Variants in NR3C2 observed in about 807,000 individuals in gnomAD.
NR3C2 encodes the protein mineralocorticoid receptor.
A neutral mutation model predicts 86.4 loss-of-function variants in NR3C2; 15 were observed. That is an observed-to-expected ratio of 0.17 (90% CI 0.12 to 0.27). The LOEUF (loss-of-function observed/expected upper bound fraction) is 0.27, where lower values mean the gene tolerates loss of function less well. NR3C2 is among the 10% of genes least tolerant of loss of function. The pLI, the probability that NR3C2 is intolerant of heterozygous loss-of-function variation, is 1.00. For synonymous variants in NR3C2, 458 were observed against 450.5 expected, an observed-to-expected ratio of 1.02 and a Z score of -0.21; for missense variants, 960 against 1,195.6, an observed-to-expected ratio of 0.80 and a Z score of 2.91.
intron 2 of NR3C2, among the ~76,000 whole-genome samples, chr4:148,277,263 A>G (rs17484357): frequency 0.13 from 20,441 of 152,276 alleles, 1,642 homozygotes; most frequent in Middle Eastern, 0.33. Context: ...CAATATTAAG[A>G]TAACGAATAC....
intron 1 of NR3C2, 102 bp from the exon 2 acceptor site, chr4:148,436,964 CTTA>C (rs1304554568): frequency 2.2e-6 from 2 of 927,086 alleles, no homozygotes; most frequent in Non-Finnish European, 3.3e-6. Context: ...ACATATTCTA[CTTA>C]TTATGAGCAA....
At chr4:148,112,982 A>G (rs1732110894) in intron 8 of NR3C2, among the ~76,000 whole-genome samples, 1 of 152,268 alleles carries the variant, frequency 6.6e-6, no homozygotes, top group Non-Finnish European at 1.5e-5. Flanking sequence ...GAAAGTATGG[A>G]AACTTCACAA....
intron 2 of NR3C2, among the ~76,000 whole-genome samples, chr4:148,380,830 AAC>A (rs1325703393): frequency 6.6e-6 from 1 of 152,224 alleles, no homozygotes; most frequent in Non-Finnish European, 1.5e-5. Context: ...AGACCTCATT[AAC>A]AGACTTATAC....
intron 3 of NR3C2, among the ~76,000 whole-genome samples, chr4:148,196,908 C>T (rs1474947444): frequency 6.6e-6 from 1 of 152,134 alleles, no homozygotes; most frequent in Non-Finnish European, 1.5e-5. Context: ...TGTTGTACAG[C>T]AGCTTAGAGA....
chr4:148,173,477 G>A (rs1240587171), intron 4 of NR3C2, among the ~76,000 whole-genome samples: 1 of 152,152 alleles, frequency 6.6e-6, no homozygotes, highest in Admixed American at 6.5e-5. Flanking sequence ...GATAGAAGGG[G>A]CCACGAGCCA....
At chr4:148,241,044 G>A (rs151076919) in intron 3 of NR3C2, among the ~76,000 whole-genome samples, 1,609 of 152,002 alleles carry the variant, frequency 0.011, 21 homozygotes, top group African/African-American at 0.037. Flanking sequence ...GGTGGCTCAC[G>A]CCTGTAATCC....
At chr4:148,183,391 C>T (rs985176493) in intron 4 of NR3C2, among the ~76,000 whole-genome samples, 32 of 152,164 alleles carry the variant, frequency 2.1e-4, no homozygotes, top group African/African-American at 6.0e-4. Flanking sequence ...CTTGAGGAAT[C>T]GCCACACTGT....
At chr4:148,258,696 A>G (rs1214009214) in intron 3 of NR3C2, among the ~76,000 whole-genome samples, 2 of 152,248 alleles carry the variant, frequency 1.3e-5, no homozygotes, top group Admixed American at 6.5e-5. Flanking sequence ...GAGAACGTGC[A>G]TGAGAACAGA....
intron 2 of NR3C2, among the ~76,000 whole-genome samples, chr4:148,404,907 G>A (rs1748337743): frequency 6.6e-6 from 1 of 152,094 alleles, no homozygotes; most frequent in Admixed American, 6.5e-5. Context: ...ATAAATTTAG[G>A]AGAATCTTCA....
intron 8 of NR3C2, among the ~76,000 whole-genome samples, chr4:148,090,804 G>A (rs1251583073): frequency 6.6e-6 from 1 of 152,202 alleles, no homozygotes. Flanking sequence ...TCTGTTCCGT[G>A]TTCCACAGAC....
At chr4:148,296,039 G>A (rs1164271991) in intron 2 of NR3C2, among the ~76,000 whole-genome samples, 5 of 56,568 alleles carry the variant, frequency 8.8e-5, no homozygotes, top group African/African-American at 3.3e-4. Flanking sequence ...AATATGAGCT[G>A]AGGCCAAAAA....
intron 2 of NR3C2, among the ~76,000 whole-genome samples, chr4:148,296,360 G>T (rs1279735200): frequency 6.6e-6 from 1 of 151,878 alleles, no homozygotes; most frequent in East Asian, 1.9e-4. Flanking sequence ...ATTTTAGATT[G>T]GGAAAAACAG....
At chr4:148,221,538 C>T (rs1737844206) in intron 3 of NR3C2, among the ~76,000 whole-genome samples, 1 of 152,150 alleles carries the variant, frequency 6.6e-6, no homozygotes, top group African/African-American at 2.4e-5. Context: ...AATAAAACCT[C>T]TACTAACTAT....
chr4:148,204,379 G>GT (rs1736894933), intron 3 of NR3C2, among the ~76,000 whole-genome samples: 2 of 152,074 alleles, frequency 1.3e-5, no homozygotes, highest in Non-Finnish European at 2.9e-5. Context: ...AAACTAATAC[G>GT]TTATTCAGGG....
chr4:148,260,115 G>C lies in NR3C2; in HGVS notation c.1760C>G (p.Ser587Cys). 3 of 1,613,968 alleles carry C rather than the reference G, an allele frequency of 1.9e-6. No individual in the cohort carries two copies. The highest frequency in any genetic ancestry group is 1.7e-6 in the Non-Finnish European group (2 of 1,179,956). Reference sequence around the variant, plus strand: ...TCCAGTAGAAACACTTCGTAAAGTAGAGCTGGGGAAAGAAATTGAGATTTA... The same window carrying C: ...TCCAGTAGAAACACTTCGTAAAGTACAGCTGGGGAAAGAAATTGAGATTTA... ...LEYIPENVSS[S>C]TLRSVSTGSS... The change falls in exon 3 of 9, where the codon TCT becomes TGT. Residue 587 changes from serine to cysteine, a missense_variant and splice_region_variant. Physicochemically the swap from Ser to Cys is moderately radical, Grantham distance 112 (BLOSUM62 -1). This residue lies in a region of NR3C2 where 680 missense variants were observed against 719.0 expected (regional missense o/e 0.95). Coordinates refer to ENST00000358102, the MANE Select transcript of NR3C2 (RefSeq NM_000901.5).
intron 2 of NR3C2, among the ~76,000 whole-genome samples, chr4:148,365,245 T>C (rs1746052566): frequency 6.6e-6 from 1 of 152,220 alleles, no homozygotes; most frequent in African/African-American, 2.4e-5. Context: ...CTGAATATAC[T>C]GTGTTGGGGA....
chr4:148,394,595 G>A (rs1747764574), intron 2 of NR3C2, among the ~76,000 whole-genome samples: 1 of 152,088 alleles, frequency 6.6e-6, no homozygotes, highest in South Asian at 2.1e-4. Context: ...AGAAGGCTAA[G>A]GTGGGAGGAT....
At chr4:148,432,253 G>C (rs113385757) in intron 2 of NR3C2, among the ~76,000 whole-genome samples, 4 of 152,206 alleles carry the variant, frequency 2.6e-5, no homozygotes, top group East Asian at 1.9e-4. Flanking sequence ...CAAGTACATA[G>C]AGAAAATCTC....
At chr4:148,239,070 C>T (rs572335067) in intron 3 of NR3C2, among the ~76,000 whole-genome samples, 2 of 152,138 alleles carry the variant, frequency 1.3e-5, no homozygotes, top group East Asian at 1.9e-4. Flanking sequence ...GACGTAGAGG[C>T]ATGAGTGAAA....
Sources: allele counts gnomAD v4.1 joint callset (sites outside exome capture counted in the v4.1 genomes callset), GRCh38; gene constraint gnomAD v4.1.1; regional missense constraint gnomAD v4.1.1; transcripts MANE v1.5; gene names NCBI Gene and HGNC (gene_info 2026-07-23, HGNC 2026-07-21).